The following PLD5 variants were observed in gnomAD, a reference collection of about 807,000 sequenced individuals.
PLD5 encodes the protein phospholipase D family member 5.
PLD5 carries 36 observed loss-of-function variants against 61.1 expected under a neutral mutation model. The ratio of observed to expected loss-of-function variants is 0.59; its 90% confidence interval spans 0.45 to 0.78. The LOEUF is 0.78. PLD5 is among the 30% of genes least tolerant of loss of function. The pLI, the probability that PLD5 is intolerant of heterozygous loss-of-function variation, is 0.00. For missense variants in PLD5, 515 were observed against 644.4 expected (o/e 0.80, Z 2.17); for synonymous variants, 243 against 242.8 (o/e 1.00, Z -0.01).
chr1:242,419,571 C>CTT (rs1558550692), intron 1 of PLD5, among the ~76,000 whole-genome samples: 1 of 39,364 alleles, frequency 2.5e-5, no homozygotes, highest in Non-Finnish European at 4.2e-5. Context: ...AAATTTTTTG[C>CTT]ATTTTTTTTT....
In PLD5 at chr1:242,371,867, GTT is replaced by G. The variant is rs5782232; in HGVS notation, c.190-23627_190-23626del. 2.0e-5 allele frequency among the ~76,000 whole-genome samples: 3 copies of G among 149,048 alleles called. No individual in the cohort carries two copies. In the South Asian group the frequency reaches 6.4e-4, roughly 32 times the overall value. ...AGTTTTTTGCCTGCTTTTTTTAAAAGTTTTTTTTTTTAATTATACTTTAAGTT... is the reference window on the plus strand; with the variant it reads ...AGTTTTTTGCCTGCTTTTTTTAAAAGTTTTTTTTTAATTATACTTTAAGTT... On this transcript the variant is annotated intron_variant, in intron 1 of 9. Coordinates refer to ENST00000536534, the MANE Select transcript of PLD5 (RefSeq NM_001372062.1).
chr1:242,275,344 AGATT>A (rs1195752378), intron 3 of PLD5, among the ~76,000 whole-genome samples: 1 of 151,996 alleles, frequency 6.6e-6, no homozygotes, highest in Non-Finnish European at 1.5e-5. Flanking sequence ...ATTTGCTATA[AGATT>A]GATATTTATT....
rs747469626 is a variant in PLD5, at chr1:242,288,533, T to A, written c.327-3A>T. The stretch of plus-strand genomic sequence containing the variant: ...GAATATTTTCCACCAGGGCAATTCT[T>A]AGAAAAGATTTTGAAAAACAAACAA... On this transcript the variant is annotated splice_polypyrimidine_tract_variant and splice_region_variant and intron_variant, in intron 2 of 9. Coordinates refer to ENST00000536534, the MANE Select transcript of PLD5 (RefSeq NM_001372062.1). 218 of 1,588,996 alleles carry A rather than the reference T, an allele frequency of 1.4e-4. No homozygotes were observed. Among genetic ancestry groups the A allele is most frequent in the Non-Finnish European group, 1.7e-4 (197 of 1,170,852 alleles).
At chr1:242,367,225 T>A (rs573150853) in intron 1 of PLD5, among the ~76,000 whole-genome samples, 13 of 152,224 alleles carry the variant, frequency 8.5e-5, no homozygotes, top group African/African-American at 3.1e-4. Context: ...ACAAGAAATT[T>A]TAAAGATTTA....
intron 5 of PLD5, among the ~76,000 whole-genome samples, chr1:242,206,696 G>T (rs1409395792): frequency 6.6e-6 from 1 of 152,172 alleles, no homozygotes; most frequent in Non-Finnish European, 1.5e-5. Context: ...AGTGGAAGTG[G>T]ATCATCATAA....
rs573766335 is a variant in PLD5, at chr1:242,342,132, G to C, written c.326+5974C>G. Among the ~76,000 whole-genome samples the C allele has an allele frequency of 5.3e-5, 8 of 152,288 alleles. No homozygotes were observed. The South Asian group carries it at 1.7e-3, about 32-fold the overall frequency. On this transcript the variant is annotated intron_variant, in intron 2 of 9. Transcript: ENST00000536534. ...AATTTCCATATTGTCATGAGGATTGGGCCTGAAGTCAGGGAGGAGAAGGAT... is the reference window on the plus strand; with the variant it reads ...AATTTCCATATTGTCATGAGGATTGCGCCTGAAGTCAGGGAGGAGAAGGAT...
chr1:242,396,060 T>TATCAAATA (rs1488971920), intron 1 of PLD5, among the ~76,000 whole-genome samples: 1 of 151,768 alleles, frequency 6.6e-6, no homozygotes, highest in African/African-American at 2.4e-5. Context: ...AAAAAAAAAG[T>TATCAAATA]ATCAAATATT....
intron 1 of PLD5, chr1:242,449,452 A>G: frequency 6.5e-7 from 1 of 1,535,030 alleles, no homozygotes. Flanking sequence ...TCAGAGGCAG[A>G]GAATGTTTCA....
intron 1 of PLD5, among the ~76,000 whole-genome samples, chr1:242,515,023 A>G (rs1172167112): frequency 6.6e-6 from 1 of 152,226 alleles, no homozygotes. Context: ...AAATCTACAT[A>G]AAGATGCAAA....
chr1:242,477,342 C>T (rs1274994682), intron 1 of PLD5, among the ~76,000 whole-genome samples: 2 of 152,112 alleles, frequency 1.3e-5, no homozygotes, highest in Admixed American at 1.3e-4. Context: ...TTTAAGAACA[C>T]GATACTCCTC....
chr1:242,233,944 C>T (rs12090351), intron 4 of PLD5, among the ~76,000 whole-genome samples: 1 of 152,010 alleles, frequency 6.6e-6, no homozygotes, highest in Non-Finnish European at 1.5e-5. Context: ...GAAGAACAAT[C>T]CTTTCTACAT....
At chr1:242,262,194 A>T (rs1255224201) in intron 4 of PLD5, among the ~76,000 whole-genome samples, 1 of 152,180 alleles carries the variant, frequency 6.6e-6, no homozygotes, top group Non-Finnish European at 1.5e-5. Context: ...CATAAAACTC[A>T]GCCAAAGAAT....
intron 2 of PLD5, among the ~76,000 whole-genome samples, chr1:242,342,281 G>A (rs938078618): frequency 6.6e-6 from 1 of 152,170 alleles, no homozygotes; most frequent in African/African-American, 2.4e-5. Context: ...ACGTAGGATA[G>A]CTCTGTGTGG....
At chr1:242,318,203 G>A (rs74690604) in intron 2 of PLD5, among the ~76,000 whole-genome samples, 142 of 152,246 alleles carry the variant, frequency 9.3e-4, no homozygotes, top group African/African-American at 3.1e-3. Flanking sequence ...AAGAAAGGGC[G>A]GTGCTCAGAC....
intron 8 of PLD5, among the ~76,000 whole-genome samples, chr1:242,107,312 CA>C (rs1317378395): frequency 6.6e-6 from 1 of 151,916 alleles, no homozygotes; most frequent in Non-Finnish European, 1.5e-5. Context: ...CCCATCTCTA[CA>C]AAAAATGCAA....
chr1:242,168,846 G>GTTTTTTT (rs34280777), intron 5 of PLD5, among the ~76,000 whole-genome samples: 34,163 of 110,246 alleles, frequency 0.31, 6,636 homozygotes, highest in African/African-American at 0.34. Context: ...AATTAATGAA[G>GTTTTTTT]TTTTTTTTTT....
At chr1:242,099,245 C>A (rs1574290801) in intron 9 of PLD5, among the ~76,000 whole-genome samples, 1 of 152,238 alleles carries the variant, frequency 6.6e-6, no homozygotes, top group South Asian at 2.1e-4. Context: ...GCCTTGGCCT[C>A]CCATGTAGCT....
rs1668381458 is a variant in PLD5, at chr1:242,496,717, A to C, written c.189+27371T>G. 2.0e-5 allele frequency among the ~76,000 whole-genome samples: 3 copies of C among 152,214 alleles called. No individual in the cohort carries two copies. The South Asian group carries it at 6.2e-4, about 31-fold the overall frequency. ...ATCTAAAGAAGCTCAGAACTCTAGA[A>C]CAGTCCTTAAAGGATTGTGGCATAG... On this transcript the variant is annotated intron_variant, in intron 1 of 9. Transcript: ENST00000536534.
intron 5 of PLD5, among the ~76,000 whole-genome samples, chr1:242,183,653 T>TCATGA (rs1667665278): frequency 6.6e-6 from 1 of 152,122 alleles, no homozygotes. Flanking sequence ...CCCAGCACTT[T>TCATGA]GGGAGGCCGA....
Sources: allele counts gnomAD v4.1 joint callset (sites outside exome capture counted in the v4.1 genomes callset), GRCh38; gene constraint gnomAD v4.1.1; transcripts MANE v1.5; gene names NCBI Gene and HGNC (gene_info 2026-07-23, HGNC 2026-07-21).